Variants in DNAH17 observed in about 807,000 individuals in gnomAD.
DNAH17 encodes dynein axonemal heavy chain 17.
Under a neutral mutation model 485.6 loss-of-function variants are expected in DNAH17, and 376 were observed. The ratio of observed to expected loss-of-function variants is 0.77; its 90% CI spans 0.71 to 0.84. DNAH17 has a LOEUF of 0.84. DNAH17 is among the 40% of genes least tolerant of loss of function. The pLI is 0.00. For synonymous variants in DNAH17, 3,031 were observed against 2,405.9 expected, an observed-to-expected ratio of 1.26 and a Z score of -7.60; for missense variants, 6,370 against 5,839.3, an observed-to-expected ratio of 1.09 and a Z score of -2.96.
At position 78,441,640 on chromosome 17, in the gene DNAH17, A is replaced by G. The variant is rs186938089; in HGVS notation, c.11529-441T>C. ...CCCAACTCTTTCTAACATGACCCCA[A>G]TAAGTCTGGGGTCAGTCGGGGTCTC... On this transcript the variant is annotated intron_variant, in intron 71 of 80. Transcript: ENST00000389840. Among the ~76,000 whole-genome samples, 61 of 152,308 alleles carry G rather than the reference A, an allele frequency of 4.0e-4. No homozygotes were observed. The East Asian group carries it at 6.2e-3, about 15-fold the overall frequency.
At position 78,494,641 on chromosome 17, in the gene DNAH17, G is replaced by A. The variant is rs550194119; in HGVS notation, c.6222C>T (p.Leu2074=). ...LPVFMGLIGD[L]FPALDVPRKR... ...TCCGAGGCACGTCCAGAGCCGGGAAGAGGTCCCCGATCAGTCCCATGAATA... is the reference window on the plus strand; with the variant it reads ...TCCGAGGCACGTCCAGAGCCGGGAAAAGGTCCCCGATCAGTCCCATGAATA... Residue 2074 remains leucine, a synonymous_variant, in exon 40 of 81, where the codon CTC becomes CTT. Transcript: ENST00000389840. 1.2e-6 allele frequency: 2 copies of A among 1,613,842 alleles called. No homozygotes were observed. The highest frequency in any genetic ancestry group is 1.1e-5 in the South Asian group (1 of 91,096).
In DNAH17 at chr17:78,531,399, C is replaced by T. The variant is rs535745036; in HGVS notation, c.3115-887G>A. 7.2e-5 allele frequency among the ~76,000 whole-genome samples: 10 copies of T among 139,106 alleles called. No homozygotes were observed. In the East Asian group the frequency reaches 1.1e-3, roughly 15 times the overall value. The allele number at this position is 139,106 out of a possible 152,430, so 91.3% of individuals were successfully genotyped here. A position where few individuals can be genotyped will look rare whatever the true frequency, so the allele number is the denominator to read the frequency against. Reference sequence around the variant, plus strand: ...CTGTCACCAGGCTGGAGTGCAGTGGCGTGATCTTGACTCACTGCAAGCTCC... The same window carrying T: ...CTGTCACCAGGCTGGAGTGCAGTGGTGTGATCTTGACTCACTGCAAGCTCC... On this transcript the variant is annotated intron_variant, in intron 20 of 80. Transcript: ENST00000389840.
intron 2 of DNAH17, among the ~76,000 whole-genome samples, chr17:78,573,239 C>A (rs1021776559): frequency 1.3e-5 from 2 of 152,182 alleles, no homozygotes; most frequent in African/African-American, 4.8e-5. Flanking sequence ...TCCCCCAAAT[C>A]CATCTGCTGA....
chr17:78,461,872 AG>A (rs1223222048), intron 57 of DNAH17, among the ~76,000 whole-genome samples, 164 bp from the exon 58 acceptor site: 8 of 152,052 alleles, frequency 5.3e-5, no homozygotes, highest in African/African-American at 1.9e-4. Context: ...ATATCTTAAA[AG>A]TAAGTTATAA....
rs758295773 is a variant in DNAH17, at chr17:78,485,612, G to A, written c.7421C>T (p.Thr2474Met). ...CACAGCCTGCACCAGGTAGTTGTCC[G>A]TGTTCAGGCTTTCCAGCTTGTCCCC... ...LMGDKLESLNTDNYLVQAVPF... is the reference protein window; with the variant it reads ...LMGDKLESLNMDNYLVQAVPF... Residue 2474 changes from threonine (T) to methionine (M), a missense_variant, in exon 47 of 81, where the codon ACG becomes ATG. Thr to Met is a moderately conservative substitution (Grantham distance 81). Transcript: ENST00000389840. 5 of 1,613,922 alleles carry A rather than the reference G, an allele frequency of 3.1e-6. No individual in the cohort carries two copies. The highest frequency in any genetic ancestry group is 2.7e-5 in the African/African-American group (2 of 75,052).
intron 35 of DNAH17, chr17:78,500,683 A>G (rs2090252975): frequency 2.8e-6 from 1 of 362,518 alleles, no homozygotes; most frequent in South Asian, 4.9e-5. Context: ...TAATTTTTGT[A>G]TTTTCAGTAG....
intron 64 of DNAH17, among the ~76,000 whole-genome samples, chr17:78,453,734 C>A (rs1049205600): frequency 5.9e-5 from 9 of 152,234 alleles, no homozygotes; most frequent in African/African-American, 2.2e-4. Context: ...CTGGCCCAGG[C>A]TGGAGTGCAG....
At position 78,463,071 on chromosome 17, in the gene DNAH17, C is replaced by T; in HGVS notation, c.8947G>A (p.Val2983Ile). The change falls in exon 57 of 81, where the codon GTC (valine) becomes ATC (isoleucine). Residue 2983 changes from valine (V) to isoleucine (I), a missense_variant. Physicochemically the swap from Val to Ile is conservative, Grantham distance 29 (BLOSUM62 3). Coordinates refer to ENST00000389840, the MANE Select transcript of DNAH17 (RefSeq NM_173628.4). ...LEETEGIPWE[V>I]KASISFFMSY... ...ATGAAGAAGCTGATGGAGGCCTTGA[C>T]TTCCCACTACAAAGATGAGACAGCC... 6.2e-7 allele frequency: 1 copy of T among 1,613,806 alleles called. No homozygotes were observed.
chr17:78,543,634 A>C, intron 17 of DNAH17: 1 of 637,706 alleles, frequency 1.6e-6, no homozygotes, highest in East Asian at 2.9e-5. Flanking sequence ...CACGTTGGTC[A>C]AGCTGGTCTC....
At chr17:78,482,476 T>C (rs975175951) in intron 48 of DNAH17, among the ~76,000 whole-genome samples, 2 of 152,238 alleles carry the variant, frequency 1.3e-5, no homozygotes, top group African/African-American at 4.8e-5. Flanking sequence ...CTCCATTATA[T>C]ATGTCCATGG....
chr17:78,427,743 G>A (rs1041866804), intron 77 of DNAH17, among the ~76,000 whole-genome samples: 9 of 152,116 alleles, frequency 5.9e-5, no homozygotes, highest in African/African-American at 9.7e-5. Flanking sequence ...AGGCCGAGGC[G>A]GGATGGTCAC....
In DNAH17 at chr17:78,501,362, G is replaced by A. The variant is rs1300375833; in HGVS notation, c.5323-18C>T. The A allele has an allele frequency of 1.3e-6, 2 of 1,576,412 alleles. No individual in the cohort carries two copies. The highest frequency in any genetic ancestry group is 1.7e-6 in the Non-Finnish European group (2 of 1,153,350). ...CTCTCCACCTGCAGGATGAGCCGGAGCTCTTGTTGCCAGGTGGAATACAAG... is the reference window on the plus strand; with the variant it reads ...CTCTCCACCTGCAGGATGAGCCGGAACTCTTGTTGCCAGGTGGAATACAAG... On this transcript the variant is annotated intron_variant, in intron 34 of 80. Transcript: ENST00000389840.
chr17:78,543,134 T>A (rs1482388797), intron 17 of DNAH17, among the ~76,000 whole-genome samples: 4 of 152,052 alleles, frequency 2.6e-5, no homozygotes, highest in Non-Finnish European at 5.9e-5. Context: ...TGTTTTGTTT[T>A]GAGATAGTCT....
intron 44 of DNAH17, 147 bp from the exon 45 acceptor site, chr17:78,486,653 C>T (rs1377377383): frequency 5.6e-5 from 61 of 1,082,636 alleles, no homozygotes; most frequent in Admixed American, 2.0e-4. Context: ...TGGGTCCAAA[C>T]GAGGGTGCCA....
chr17:78,481,161 G>A (rs2089332375), intron 48 of DNAH17, among the ~76,000 whole-genome samples: 1 of 146,852 alleles, frequency 6.8e-6, no homozygotes, highest in Admixed American at 7.1e-5. Context: ...GGAGTGCAGT[G>A]GCATGATCTT....
Position 78,523,926 on chromosome 17 carries a change from C to A in DNAH17, c.3864+1083G>T, listed in dbSNP as rs139162579. On this transcript the variant is annotated intron_variant, in intron 25 of 80. Coordinates refer to ENST00000389840, the MANE Select transcript of DNAH17 (RefSeq NM_173628.4). ...CTTGTCTCAAAAATAAATAAAAATA[C>A]TTTTTAAAAAAGAAAATATGCTGGC... 4.6e-5 allele frequency among the ~76,000 whole-genome samples: 7 copies of A among 152,082 alleles called. No homozygotes were observed. In the East Asian group the frequency reaches 1.4e-3, roughly 29 times the overall value.
intron 31 of DNAH17, among the ~76,000 whole-genome samples, chr17:78,503,235 A>T (rs1453199881): frequency 7.8e-6 from 1 of 128,374 alleles, no homozygotes; most frequent in Non-Finnish European, 1.6e-5. Flanking sequence ...GCTGGAGTGC[A>T]GTGGCATGAT....
intron 11 of DNAH17, among the ~76,000 whole-genome samples, chr17:78,564,470 G>A (rs376772343): frequency 6.1e-5 from 9 of 147,578 alleles, no homozygotes; most frequent in South Asian, 2.2e-4. Context: ...CTGCCCGCCC[G>A]CCCAGCCCAT....
At chr17:78,468,021 A>C (rs1235061902) in intron 55 of DNAH17, among the ~76,000 whole-genome samples, 1 of 108,338 alleles carries the variant, frequency 9.2e-6, no homozygotes, top group Non-Finnish European at 2.2e-5. Flanking sequence ...CATCTCAAAA[A>C]AAAAAAAAAA....
Sources: gnomAD v4.1 joint callset for allele counts (sites outside exome capture counted in the v4.1 genomes callset) on GRCh38, gnomAD v4.1.1 for gene constraint, MANE v1.5 for transcripts, NCBI Gene and HGNC (gene_info 2026-07-23, HGNC 2026-07-21) for gene names.